The following TMEM225B variants were observed in gnomAD, a reference collection of about 807,000 sequenced individuals.
TMEM225B encodes transmembrane protein 225-like.
Under a neutral mutation model 16.9 loss-of-function variants are expected in TMEM225B, and 10 were observed. The ratio of observed to expected loss-of-function variants is 0.59; its 90% confidence interval spans 0.36 to 1.00. TMEM225B has a LOEUF of 1.00. Ranked by LOEUF, TMEM225B falls within the 50% of genes least tolerant of loss-of-function variation. The pLI is 0.01. For synonymous variants in TMEM225B, 92 were observed against 109.8 expected, an observed-to-expected ratio of 0.84 and a Z score of 1.01; for missense variants, 217 against 267.0, an observed-to-expected ratio of 0.81 and a Z score of 1.30.
At chr7:99,606,143 G>A (rs1286550598) in intron 3 of TMEM225B, among the ~76,000 whole-genome samples, 2 of 152,166 alleles carry the variant, frequency 1.3e-5, no homozygotes, top group Non-Finnish European at 2.9e-5. Flanking sequence ...AATAACATTT[G>A]TTAAGGCCAG....
At chr7:99,607,970 A>G (rs1224453537) in intron 5 of TMEM225B, among the ~76,000 whole-genome samples, 160 bp downstream of exon 5, 1 of 152,220 alleles carries the variant, frequency 6.6e-6, no homozygotes, top group Non-Finnish European at 1.5e-5. Flanking sequence ...TAAAATAGTT[A>G]TTGGCCAGAT....
At chr7:99,601,651 C>T (rs953111725) in intron 2 of TMEM225B, among the ~76,000 whole-genome samples, 1 of 152,172 alleles carries the variant, frequency 6.6e-6, no homozygotes, top group South Asian at 2.1e-4. Context: ...AGAGAAAGTA[C>T]AAACATTTTC....
chr7:99,607,757 T>A lies in TMEM225B; in HGVS notation c.440T>A (p.Val147Glu). Reference protein sequence around the residue: ...RMKLGPLQFSVLWPYYVLGFG... With the variant: ...RMKLGPLQFSELWPYYVLGFG... ...AAGCTCGGCCCCCTGCAGTTCTCCG[T>A]GCTGTGGCCTTACTACGTGCTGGGC... Residue 147 changes from valine to glutamate, a missense_variant, in exon 5 of 6, where the codon GTG (valine) becomes GAG (glutamate). Transcript: ENST00000431679. 1.3e-6 allele frequency: 2 copies of A among 1,536,136 alleles called. No homozygotes were observed. The highest frequency in any genetic ancestry group is 8.7e-7 in the Non-Finnish European group (1 of 1,146,912).
At chr7:99,605,085 T>C (rs1279257286) in intron 3 of TMEM225B, among the ~76,000 whole-genome samples, 1 of 152,096 alleles carries the variant, frequency 6.6e-6, no homozygotes, top group African/African-American at 2.4e-5. Flanking sequence ...GACTCTGGGA[T>C]ATCTGGGGCT....
At chr7:99,604,722 G>A (rs911448104) in intron 3 of TMEM225B, 126 bp downstream of exon 3, 22 of 776,646 alleles carry the variant, frequency 2.8e-5, no homozygotes, top group East Asian at 1.1e-4. Context: ...GGCTGGATGC[G>A]GTGGCTTGCA....
chr7:99,599,518 C>T (rs965085377), intron 1 of TMEM225B, among the ~76,000 whole-genome samples: 1 of 152,160 alleles, frequency 6.6e-6, no homozygotes, highest in Non-Finnish European at 1.5e-5. Flanking sequence ...CACCACTGCA[C>T]TCCAGCCTGG....
intron 4 of TMEM225B, among the ~76,000 whole-genome samples, chr7:99,607,467 C>T (rs1805914808): frequency 6.6e-6 from 1 of 152,140 alleles, no homozygotes; most frequent in Admixed American, 6.5e-5. Context: ...AAAGGGAGTT[C>T]TGATGATGGT....
rs72285430 is a variant in TMEM225B at position 99,608,839 on chromosome 7, G to GTATATATATATA, written c.493+1038_493+1049dup. Among the ~76,000 whole-genome samples the GTATATATATATA allele has an allele frequency of 1.7e-3, 222 of 132,530 alleles. 2 individuals are homozygous for GTATATATATATA. The highest frequency in any genetic ancestry group is 5.9e-3 in the African/African-American group (194 of 32,690). The allele number at this position is 132,530 out of a possible 152,430, so 86.9% of individuals were successfully genotyped here. A position where few individuals can be genotyped will look rare whatever the true frequency, so the allele number is the denominator to read the frequency against. ...CATACATATATGTGTGTGTGTGCAC[G>GTATATATATATA]TATATATATATATATATATACACAC... On this transcript the variant is annotated intron_variant, in intron 5 of 5. Coordinates refer to ENST00000431679, the MANE Select transcript of TMEM225B (RefSeq NM_001195541.3).
At chr7:99,603,420 G>T (rs1805520049) in intron 2 of TMEM225B, among the ~76,000 whole-genome samples, 1 of 152,194 alleles carries the variant, frequency 6.6e-6, no homozygotes, top group African/African-American at 2.4e-5. Context: ...GGCCAGGCAT[G>T]GTGGCTCACA....
chr7:99,610,827 A>G lies in TMEM225B; in HGVS notation c.*262A>G. 2.9e-6 allele frequency: 1 copy of G among 343,706 alleles called. No homozygotes were observed. The highest frequency in any genetic ancestry group is 4.0e-5 in the Admixed American group (1 of 24,992). 21.3% of individuals were successfully genotyped at this position (343,706 alleles called of 1,614,324 possible). ...AATAAAAAGAAGGGCTACTTTGTTC[A>G]TCCATATCTCAAAAACCAAGTCCGC... On this transcript the variant is annotated 3_prime_UTR_variant, in exon 6 of 6. Transcript: ENST00000431679.
chr7:99,608,071 A>G (rs1466532751), intron 5 of TMEM225B, among the ~76,000 whole-genome samples: 2 of 152,220 alleles, frequency 1.3e-5, no homozygotes, highest in Non-Finnish European at 2.9e-5. Flanking sequence ...CCTGGCCAAC[A>G]TGGTGAAACC....
Position 99,608,858 on chromosome 7 carries a change from T to TATATATATATATATATACACAC in TMEM225B, c.493+1049_493+1050insTATATATATATATATACACACA, listed in dbSNP as rs536627768. Among the ~76,000 whole-genome samples the TATATATATATATATATACACAC allele has an allele frequency of 8.2e-3, 1,190 of 144,282 alleles. 38 individuals carry two copies. Among genetic ancestry groups the TATATATATATATATATACACAC allele is most frequent in the African/African-American group, 0.032 (1,138 of 35,518 alleles). 94.7% of individuals were successfully genotyped at this position (144,282 alleles called of 152,430 possible). On this transcript the variant is annotated intron_variant, in intron 5 of 5. Transcript: ENST00000431679. ...GTGCACGTATATATATATATATATA[T>TATATATATATATATATACACAC]ACACACACACATATATGTGTATATA...
intron 5 of TMEM225B, among the ~76,000 whole-genome samples, chr7:99,609,938 T>G (rs1002222906): frequency 6.6e-6 from 1 of 152,132 alleles, no homozygotes; most frequent in Non-Finnish European, 1.5e-5. Flanking sequence ...GGTCTTGCTA[T>G]GTCGCCCATG....
In TMEM225B at chr7:99,609,661, C is replaced by T. The variant is rs181241634; in HGVS notation, c.494-732C>T. Among the ~76,000 whole-genome samples the T allele has an allele frequency of 1.0e-3, 155 of 152,054 alleles. No individual in the cohort carries two copies. In the East Asian group the frequency reaches 0.028, roughly 27 times the overall value. ...ATGTTGGCCAGGCTGGTCTCGAACT[C>T]CTGACCTTGTGATCCACCCACCTCG... On this transcript the variant is annotated intron_variant, in intron 5 of 5. Transcript: ENST00000431679.
At chr7:99,602,240 T>C (rs1435074349) in intron 2 of TMEM225B, among the ~76,000 whole-genome samples, 2 of 152,222 alleles carry the variant, frequency 1.3e-5, no homozygotes, top group African/African-American at 4.8e-5. Flanking sequence ...CCCTGCTTCC[T>C]TCCTTCCCAT....
chr7:99,608,924 C>T (rs927114005), intron 5 of TMEM225B, among the ~76,000 whole-genome samples: 4 of 150,878 alleles, frequency 2.7e-5, no homozygotes, highest in South Asian at 2.1e-4. Flanking sequence ...CTCAGCACTT[C>T]GGGAGGCCAA....
Position 99,599,483 on chromosome 7 carries a change from C to T in TMEM225B, c.-84-722C>T, listed in dbSNP as rs908491005. On this transcript the variant is annotated intron_variant, in intron 1 of 5. Coordinates refer to ENST00000431679, the MANE Select transcript of TMEM225B (RefSeq NM_001195541.3). ...ACTCGGGAGGCTGAGGCAGGAGGATCGCTTGTGCCCAGGAGGCATGAATGC... is the reference window on the plus strand; with the variant it reads ...ACTCGGGAGGCTGAGGCAGGAGGATTGCTTGTGCCCAGGAGGCATGAATGC... Among the ~76,000 whole-genome samples, 22 of 152,232 alleles carry T rather than the reference C, an allele frequency of 1.4e-4. No individual in the cohort carries two copies. In the South Asian group the frequency reaches 1.9e-3, roughly 13 times the overall value.
chr7:99,602,510 C>T (rs1429124537), intron 2 of TMEM225B, among the ~76,000 whole-genome samples: 1 of 152,148 alleles, frequency 6.6e-6, no homozygotes, highest in African/African-American at 2.4e-5. Context: ...GTATTCTTAT[C>T]ATTGGGCAGG....
chr7:99,608,391 GC>G (rs1731562561), intron 5 of TMEM225B, among the ~76,000 whole-genome samples: 1 of 151,996 alleles, frequency 6.6e-6, no homozygotes, highest in South Asian at 2.1e-4. Context: ...TTCCTTCTCT[GC>G]AGAACGTTCT....
Sources: allele counts gnomAD v4.1 joint callset (sites outside exome capture counted in the v4.1 genomes callset), GRCh38; gene constraint gnomAD v4.1.1; transcripts MANE v1.5; gene names NCBI Gene and HGNC (gene_info 2026-07-23, HGNC 2026-07-21).